Variants in STK3 observed in about 807,000 individuals in gnomAD.
STK3 encodes serine/threonine kinase 3.
Under a neutral mutation model 58.0 loss-of-function variants are expected in STK3, and 41 were observed. That is an observed-to-expected ratio of 0.71 (90% CI 0.55 to 0.92). STK3 has a LOEUF of 0.92. Ranked by LOEUF, STK3 falls within the 40% of genes least tolerant of loss-of-function variation. The pLI is 0.00. For synonymous variants in STK3, 170 were observed against 191.0 expected, an observed-to-expected ratio of 0.89 and a Z score of 0.91; for missense variants, 479 against 602.7, an observed-to-expected ratio of 0.79 and a Z score of 2.15.
At chr8:98,938,002 A>T (rs1323669338) in intron 1 of STK3, among the ~76,000 whole-genome samples, 1 of 152,226 alleles carries the variant, frequency 6.6e-6, no homozygotes, top group East Asian at 1.9e-4. Context: ...AATCCCCATA[A>T]GAAAAGGTCA....
chr8:98,740,178 T>C (rs1246209608), intron 4 of STK3, among the ~76,000 whole-genome samples: 16 of 152,100 alleles, frequency 1.1e-4, no homozygotes, highest in African/African-American at 2.7e-4. Flanking sequence ...CTGCAGGATA[T>C]TATCCAGGAG....
chr8:98,782,148 T>C, intron 1 of STK3: 1 of 227,748 alleles, frequency 4.4e-6, no homozygotes, highest in Non-Finnish European at 8.9e-6. Flanking sequence ...CCATGCCAAC[T>C]CCTGTCAGCA....
At chr8:98,668,275 ACTT>A (rs1016224832) in intron 6 of STK3, among the ~76,000 whole-genome samples, 1 of 152,148 alleles carries the variant, frequency 6.6e-6, no homozygotes, top group Non-Finnish European at 1.5e-5. Flanking sequence ...ACAGGTGAAA[ACTT>A]CTTAAACTTT....
the STK3 span, among the ~76,000 whole-genome samples, chr8:98,360,375 G>A: frequency 8.5e-5 from 13 of 152,154 alleles, no homozygotes; most frequent in African/African-American, 3.1e-4. Context: ...CTCCACAAAG[G>A]TGGGACCTTC....
At chr8:98,761,312 A>C (rs1336932285) in intron 3 of STK3, among the ~76,000 whole-genome samples, 1 of 151,816 alleles carries the variant, frequency 6.6e-6, no homozygotes, top group Non-Finnish European at 1.5e-5. Flanking sequence ...TTTTTTAGAG[A>C]GAGAGTTTTG....
intron 3 of STK3, among the ~76,000 whole-genome samples, chr8:98,764,463 T>C (rs1424591544): frequency 6.6e-6 from 1 of 152,178 alleles, no homozygotes; most frequent in African/African-American, 2.4e-5. Context: ...AAGATAGTGA[T>C]GACATTTCAG....
intron 1 of STK3, among the ~76,000 whole-genome samples, chr8:98,914,488 A>T (rs902475687): frequency 2.7e-5 from 4 of 145,546 alleles, no homozygotes; most frequent in African/African-American, 1.0e-4. Flanking sequence ...ACACACACAC[A>T]CACACTCTCT....
At chr8:98,366,956 A>T (rs1775717941), downstream of STK3, among the ~76,000 whole-genome samples, 3 of 152,246 alleles carry the variant, frequency 2.0e-5, no homozygotes, top group South Asian at 6.2e-4. Flanking sequence ...CTATTTTGCC[A>T]ATCCGGACAT....
intron 1 of STK3, among the ~76,000 whole-genome samples, chr8:98,936,752 T>C (rs1160816633): frequency 6.6e-6 from 1 of 152,214 alleles, no homozygotes; most frequent in Non-Finnish European, 1.5e-5. Flanking sequence ...GCACTTAGTG[T>C]ACTTTTCCAG....
intron 6 of STK3, among the ~76,000 whole-genome samples, chr8:98,630,390 C>A (rs1226512653): frequency 6.6e-6 from 1 of 152,104 alleles, no homozygotes; most frequent in Non-Finnish European, 1.5e-5. Flanking sequence ...GCCTGTAATC[C>A]CAGCACTTTG....
At chr8:98,761,508 T>C (rs76998510) in intron 3 of STK3, among the ~76,000 whole-genome samples, 2,451 of 152,338 alleles carry the variant, frequency 0.016, 32 homozygotes, top group South Asian at 0.029. Context: ...TTTTTAAAAG[T>C]CTTCCTAATA....
Position 98,700,214 on chromosome 8 carries a change from C to T in STK3, c.684+6253G>A, listed in dbSNP as rs183903872. 5.1e-4 allele frequency among the ~76,000 whole-genome samples: 77 copies of T among 152,270 alleles called. No homozygotes were observed. In the South Asian group the frequency reaches 9.7e-3, roughly 19 times the overall value. ...CTGGTGAGCCGTTTTTTAAGCCCCTCGGAAAAGCGCAGTATTAGGGTGGGA... is the reference window on the plus strand; with the variant it reads ...CTGGTGAGCCGTTTTTTAAGCCCCTTGGAAAAGCGCAGTATTAGGGTGGGA... On this transcript the variant is annotated intron_variant, in intron 6 of 10. Coordinates refer to ENST00000419617, the MANE Select transcript of STK3 (RefSeq NM_006281.4).
At chr8:98,515,827 A>G (rs1824892828) in intron 10 of STK3, among the ~76,000 whole-genome samples, 1 of 151,884 alleles carries the variant, frequency 6.6e-6, no homozygotes, top group Non-Finnish European at 1.5e-5. Context: ...GTTTTAGGGT[A>G]CATGTGCACA....
upstream of STK3, among the ~76,000 whole-genome samples, chr8:98,393,125 G>A (rs538743498): frequency 6.6e-6 from 1 of 152,316 alleles, no homozygotes; most frequent in Non-Finnish European, 1.5e-5. Context: ...GAGCACTCAG[G>A]AGGCTTCTTG....
chr8:98,860,853 G>A lies in STK3; in HGVS notation c.110+22794C>T, dbSNP rs555092918. Among the ~76,000 whole-genome samples the A allele has an allele frequency of 6.6e-5, 10 of 152,148 alleles. No homozygotes were observed. In the South Asian group the frequency reaches 1.0e-3, roughly 16 times the overall value. ...GCAGACACCTTGAGTCCAGGAGTTC[G>A]AGAACAGCTTGAGCAACATGGTGAA... On this transcript the variant is annotated intron_variant, in intron 3 of 12. Transcript: ENST00000523601.
intron 6 of STK3, among the ~76,000 whole-genome samples, chr8:98,619,938 C>G (rs1321814021): frequency 1.5e-5 from 1 of 67,696 alleles, no homozygotes; most frequent in African/African-American, 6.2e-5. Context: ...ACTAGAAATA[C>G]CATTTGACCC....
intron 10 of STK3, among the ~76,000 whole-genome samples, chr8:98,481,772 C>A (rs779583667): frequency 1.3e-5 from 2 of 149,886 alleles, no homozygotes; most frequent in Admixed American, 1.3e-4. Flanking sequence ...AATCTCAAGA[C>A]ACGACTTTTT....
At chr8:98,895,233 T>C (rs2131938050) in intron 1 of STK3, among the ~76,000 whole-genome samples, 1 of 152,288 alleles carries the variant, frequency 6.6e-6, no homozygotes, top group South Asian at 2.1e-4. Context: ...CTGGGGACTC[T>C]TGTTAAAACA....
At chr8:98,516,256 G>T in intron 10 of STK3, among the ~76,000 whole-genome samples, 1 of 151,944 alleles carries the variant, frequency 6.6e-6, no homozygotes, top group Non-Finnish European at 1.5e-5. Flanking sequence ...CCATAGACAA[G>T]GAAGAAATTC....
Sources: allele counts gnomAD v4.1 joint callset (sites outside exome capture counted in the v4.1 genomes callset), GRCh38; gene constraint gnomAD v4.1.1; transcripts MANE v1.5; gene names NCBI Gene and HGNC (gene_info 2026-07-23, HGNC 2026-07-21).